The following OTOP3 variants were observed in gnomAD, a reference collection of about 807,000 sequenced individuals.
The protein encoded by OTOP3 is otopetrin 3, also known as proton channel OTOP3.
In OTOP3, 41 loss-of-function variants were observed where a neutral mutation model predicts 50.8. The observed-to-expected ratio is 0.81, with a 90% CI of 0.63 to 1.05. The LOEUF is 1.05. Among genes scored for constraint, OTOP3 ranks in the 50% least tolerant of loss-of-function variants. The probability of loss-of-function intolerance (pLI) is 0.00; values close to 1 mark genes in which losing one functional copy is unlikely to be tolerated. For missense variants in OTOP3, 788 were observed against 760.8 expected (o/e 1.04, Z -0.42); for synonymous variants, 320 against 324.4 (o/e 0.99, Z 0.14).
rs557987066 is a variant in OTOP3, at chr17:74,948,112, A to T, written c.1566+637A>T. Reference sequence around the variant, plus strand: ...TAAATTGGCTCTAAAGTGCATTAGGAGCTCAGCAAAGGAACTGTGGGCCTG... The same window carrying T: ...TAAATTGGCTCTAAAGTGCATTAGGTGCTCAGCAAAGGAACTGTGGGCCTG... On this transcript the variant is annotated intron_variant, in intron 6 of 6. Transcript: ENST00000328801. Among the ~76,000 whole-genome samples, 85 of 152,248 alleles carry T rather than the reference A, an allele frequency of 5.6e-4. 1 individual carries two copies. The South Asian group carries it at 0.017, about 30-fold the overall frequency.
intron 4 of OTOP3, 64 bp from the exon 5 acceptor site, chr17:74,943,542 G>A (rs953154268): frequency 4.6e-6 from 7 of 1,511,184 alleles, no homozygotes; most frequent in Non-Finnish European, 6.4e-6. Context: ...AACAGTGGAT[G>A]GTGAGGGTTT....
intron 5 of OTOP3, among the ~76,000 whole-genome samples, chr17:74,945,357 A>G (rs565354294): frequency 4.6e-5 from 7 of 152,224 alleles, no homozygotes; most frequent in Admixed American, 3.3e-4. Flanking sequence ...CTCTAAATCA[A>G]TCTATATCCC....
chr17:74,936,961 C>CTTTTT (rs1191319023), intron 1 of OTOP3, among the ~76,000 whole-genome samples: 3,692 of 101,076 alleles, frequency 0.037, 597 homozygotes, highest in South Asian at 0.13. Context: ...CCCCCCCACC[C>CTTTTT]TTTTTTTTTT....
intron 1 of OTOP3, 79 bp downstream of exon 1, chr17:74,936,019 G>A: frequency 6.5e-7 from 1 of 1,528,610 alleles, no homozygotes; most frequent in Non-Finnish European, 8.8e-7. Context: ...CCCCCAAAAG[G>A]GGGGTTCACA....
intron 1 of OTOP3, among the ~76,000 whole-genome samples, chr17:74,940,126 CACACACATACAT>C (rs1290099557): frequency 3.3e-5 from 4 of 121,898 alleles, no homozygotes; most frequent in East Asian, 8.5e-4. Context: ...CACACACACA[CACACACATACAT>C]ATATACATAT....
Position 74,935,900 on chromosome 17 carries a change from A to G in OTOP3, c.-22A>G. 6.5e-7 allele frequency: 1 copy of G among 1,547,294 alleles called. No individual in the cohort carries two copies. The highest frequency in any genetic ancestry group is 8.7e-7 in the Non-Finnish European group (1 of 1,146,646). On this transcript the variant is annotated 5_prime_UTR_variant, in exon 1 of 7. Coordinates refer to ENST00000328801, the MANE Select transcript of OTOP3 (RefSeq NM_001272005.2). ...GACGGACGATCCGCTCAGCGCCCGCAGTCGGTGGTTAGCCCACGGCGATGC... is the reference window on the plus strand; with the variant it reads ...GACGGACGATCCGCTCAGCGCCCGCGGTCGGTGGTTAGCCCACGGCGATGC...
intron 1 of OTOP3, among the ~76,000 whole-genome samples, chr17:74,939,699 G>A (rs1178910936): frequency 1.3e-5 from 2 of 152,102 alleles, no homozygotes; most frequent in Non-Finnish European, 2.9e-5. Context: ...GGTAACGATC[G>A]TGTTTCCTAC....
At position 74,943,066 on chromosome 17, in the gene OTOP3, G is replaced by A. The variant is rs188289282; in HGVS notation, c.574-220G>A. 1.5e-3 allele frequency among the ~76,000 whole-genome samples: 228 copies of A among 152,304 alleles called. 1 individual carries two copies. The highest frequency in any genetic ancestry group is 5.7e-4 in the Non-Finnish European group (39 of 68,024). ...CCAACAAGAAAGCACTTCCCCAAAG[G>A]GTGGGCTTTTTGGTCCCTTTTCCCA... On this transcript the variant is annotated intron_variant, in intron 3 of 6. Coordinates refer to ENST00000328801, the MANE Select transcript of OTOP3 (RefSeq NM_001272005.2).
intron 5 of OTOP3, among the ~76,000 whole-genome samples, chr17:74,944,273 G>T (rs1200765360): frequency 1.3e-5 from 2 of 151,902 alleles, no homozygotes; most frequent in Non-Finnish European, 2.9e-5. Context: ...GCCCCACCCC[G>T]CCCCGGGTGG....
intron 6 of OTOP3, among the ~76,000 whole-genome samples, chr17:74,948,226 C>T (rs978657444): frequency 2.0e-5 from 3 of 152,046 alleles, no homozygotes; most frequent in African/African-American, 7.2e-5. Flanking sequence ...GGCAGGGGGT[C>T]ATAACTAGCA....
At position 74,949,108 on chromosome 17, in the gene OTOP3, C is replaced by G. The variant is rs555072320; in HGVS notation, c.1567-138C>G. The G allele has an allele frequency of 5.5e-5, 47 of 847,870 alleles. No individual in the cohort carries two copies. The South Asian group carries it at 7.3e-4, about 13-fold the overall frequency. 52.5% of individuals were successfully genotyped at this position (847,870 alleles called of 1,614,324 possible). ...GGGAAAGAAGAGCTCACGCTGAAAG[C>G]CCAAGGGTTAGAAGAAGACTGAGCG... is the stretch of plus-strand genomic sequence containing the variant. On this transcript the variant is annotated intron_variant, in intron 6 of 6. Coordinates refer to ENST00000328801, the MANE Select transcript of OTOP3 (RefSeq NM_001272005.2).
At chr17:74,942,275 T>C (rs1211197511) in intron 3 of OTOP3, among the ~76,000 whole-genome samples, 1 of 152,202 alleles carries the variant, frequency 6.6e-6, no homozygotes, top group South Asian at 2.1e-4. Context: ...AGTCCAGCTG[T>C]CTATGCGTAT....
chr17:74,939,287 G>T (rs936060835), intron 1 of OTOP3, among the ~76,000 whole-genome samples: 21 of 152,208 alleles, frequency 1.4e-4, no homozygotes, highest in African/African-American at 5.1e-4. Context: ...CCAGTTCTCT[G>T]CTAGGAGGTG....
intron 1 of OTOP3, among the ~76,000 whole-genome samples, chr17:74,936,283 A>G (rs2039114241): frequency 6.6e-6 from 1 of 152,106 alleles, no homozygotes; most frequent in Non-Finnish European, 1.5e-5. Flanking sequence ...GGCACGCAGG[A>G]AGCGGCTGCC....
intron 6 of OTOP3, 96 bp from the exon 7 acceptor site, chr17:74,949,150 C>T: frequency 1.5e-6 from 2 of 1,313,200 alleles, no homozygotes; most frequent in Non-Finnish European, 1.1e-6. Flanking sequence ...GGGGGTGGCA[C>T]TGGAGGGGCT....
In OTOP3 at chr17:74,942,016, G is replaced by A; in HGVS notation, c.552G>A (p.Glu184=). The A allele has an allele frequency of 1.2e-6, 2 of 1,612,414 alleles. No homozygotes were observed. The highest frequency in any genetic ancestry group is 8.5e-7 in the Non-Finnish European group (1 of 1,179,006). The part of the protein sequence containing the change: ...SQLDLVFSVI[E]MVFIGVQTWV... ...TGGACCTTGTCTTCTCTGTCATCGA[G>A]ATGGTCTTCATCGGCGTCCAGGTGA... Residue 184 remains glutamate (E), a synonymous_variant, in exon 3 of 7, where the codon GAG becomes GAA. Coordinates refer to ENST00000328801, the MANE Select transcript of OTOP3 (RefSeq NM_001272005.2).
chr17:74,939,344 G>C (rs1227417826), intron 1 of OTOP3, among the ~76,000 whole-genome samples: 1 of 152,146 alleles, frequency 6.6e-6, no homozygotes, highest in Non-Finnish European at 1.5e-5. Flanking sequence ...GGAAGCAAGA[G>C]AATGGGAGCA....
chr17:74,935,957 G>A lies in OTOP3; in HGVS notation c.19+17G>A, dbSNP rs750052123. ...CGGCCTCAGGTAAGCCCGGAGCGCC[G>A]GCGGAACTTTCCCAGCTTGCGCACC... On this transcript the variant is annotated intron_variant, in intron 1 of 6. Transcript: ENST00000328801. 1.8e-4 allele frequency: 272 copies of A among 1,541,234 alleles called. No homozygotes were observed. The highest frequency in any genetic ancestry group is 2.1e-4 in the Non-Finnish European group (241 of 1,146,680).
In OTOP3 at chr17:74,942,086, C is replaced by G. The variant is rs369331351; in HGVS notation, c.573+49C>G. ...CATCACCGAGGACATACCCTATCTACCCATGCCATGCACACACCTCCCACT... is the reference window on the plus strand; with the variant it reads ...CATCACCGAGGACATACCCTATCTAGCCATGCCATGCACACACCTCCCACT... On this transcript the variant is annotated intron_variant, in intron 3 of 6. Transcript: ENST00000328801. 3.9e-6 allele frequency: 6 copies of G among 1,556,096 alleles called. No individual in the cohort carries two copies. In the East Asian group the frequency reaches 1.4e-4, roughly 35 times the overall value.
Sources: gnomAD v4.1 joint callset for allele counts (sites outside exome capture counted in the v4.1 genomes callset) on GRCh38, gnomAD v4.1.1 for gene constraint, MANE v1.5 for transcripts, NCBI Gene and HGNC (gene_info 2026-07-23, HGNC 2026-07-21) for gene names.